The following NRF1 variants were observed in gnomAD, a reference collection of about 807,000 sequenced individuals.
NRF1 encodes the protein nuclear respiratory factor 1.
Under a neutral mutation model 58.5 loss-of-function variants are expected in NRF1, and 5 were observed. The observed-to-expected ratio is 0.09, with a 90% confidence interval of 0.04 to 0.18. The LOEUF (loss-of-function observed/expected upper bound fraction) is 0.18. Among genes scored for constraint, NRF1 ranks in the 10% least tolerant of loss-of-function variants. The pLI is 1.00. For missense variants in NRF1, 288 were observed against 657.7 expected, an observed-to-expected ratio of 0.44 and a Z score of 6.15; for synonymous variants, 224 against 246.7, an observed-to-expected ratio of 0.91 and a Z score of 0.86.
At chr7:129,731,611 C>CTTGTTTGTTTGT (rs71167211) in intron 10 of NRF1, among the ~76,000 whole-genome samples, 4,413 of 149,804 alleles carry the variant, frequency 0.029, 86 homozygotes, top group Non-Finnish European at 0.036. Context: ...CCTTCCTTTA[C>CTTGTTTGTTTGT]TTGTTTGTTT....
intron 5 of NRF1, among the ~76,000 whole-genome samples, chr7:129,699,964 C>A (rs1202631955): frequency 2.6e-5 from 3 of 115,580 alleles, no homozygotes; most frequent in Admixed American, 1.0e-4. Context: ...ATAGTGAAAC[C>A]CCGTCTCCAC....
At chr7:129,686,928 G>GA (rs1251967632) in intron 4 of NRF1, among the ~76,000 whole-genome samples, 1 of 152,134 alleles carries the variant, frequency 6.6e-6, no homozygotes, top group Non-Finnish European at 1.5e-5. Flanking sequence ...TATGAAGAAA[G>GA]AAAAAACATT....
intron 1 of NRF1, among the ~76,000 whole-genome samples, chr7:129,631,293 C>T (rs916675192): frequency 5.8e-4 from 87 of 150,880 alleles, no homozygotes; most frequent in African/African-American, 1.8e-3. Flanking sequence ...GATCACTGCT[C>T]ACTGTAGCCT....
chr7:129,675,141 G>A (rs769605632), intron 3 of NRF1, among the ~76,000 whole-genome samples: 2 of 152,130 alleles, frequency 1.3e-5, no homozygotes, highest in Non-Finnish European at 2.9e-5. Context: ...CGCTTTCTTT[G>A]CTCATCAATA....
chr7:129,690,600 C>T (rs544766512), intron 5 of NRF1, 54 bp downstream of exon 5: 10 of 1,591,354 alleles, frequency 6.3e-6, no homozygotes, highest in South Asian at 2.2e-5. Context: ...CAGGTGTGGG[C>T]GGGCCTCTGA....
chr7:129,717,546 C>T (rs1309792948), intron 9 of NRF1, among the ~76,000 whole-genome samples, 170 bp downstream of exon 9: 5 of 152,150 alleles, frequency 3.3e-5, no homozygotes, highest in African/African-American at 1.2e-4. Context: ...TCAGTCCTTA[C>T]CAAGAAAAAT....
chr7:129,716,711 A>G (rs1803197541), intron 8 of NRF1, among the ~76,000 whole-genome samples: 1 of 152,092 alleles, frequency 6.6e-6, no homozygotes, highest in Non-Finnish European at 1.5e-5. Flanking sequence ...TCTTTACCAA[A>G]AATACAAAAA....
intron 8 of NRF1, 104 bp downstream of exon 8, chr7:129,711,680 T>A: frequency 1.2e-6 from 1 of 846,310 alleles, no homozygotes; most frequent in Non-Finnish European, 1.9e-6. Context: ...GCGGCACTCT[T>A]TCATTTAAAC....
intron 1 of NRF1, among the ~76,000 whole-genome samples, chr7:129,655,441 A>G (rs1172031480): frequency 6.6e-6 from 1 of 152,090 alleles, no homozygotes; most frequent in East Asian, 1.9e-4. Flanking sequence ...TCTTTTTAAA[A>G]ATCTTATTGC....
intron 5 of NRF1, among the ~76,000 whole-genome samples, chr7:129,697,371 G>A (rs963264906): frequency 4.6e-5 from 7 of 151,436 alleles, no homozygotes; most frequent in African/African-American, 1.5e-4. Flanking sequence ...GTGAAACCCC[G>A]TCTCCACTAA....
chr7:129,635,829 C>G (rs747318043), intron 1 of NRF1, among the ~76,000 whole-genome samples: 4 of 152,094 alleles, frequency 2.6e-5, no homozygotes, highest in South Asian at 2.1e-4. Flanking sequence ...GAAAAATGAT[C>G]TGTTGACCAG....
Position 129,756,700 on chromosome 7 carries a change from TAA to T in NRF1, c.*1522_*1523del, listed in dbSNP as rs1220224425. Reference sequence around the variant, plus strand: ...TTAATGTGTTTTTTTAATGCGACATTAAAAGATTCTCCACGTCTTGCTCAACC... The same window carrying T: ...TTAATGTGTTTTTTTAATGCGACATTAAGATTCTCCACGTCTTGCTCAACC... On this transcript the variant is annotated 3_prime_UTR_variant, in exon 11 of 11. Transcript: ENST00000393232. The T allele has an allele frequency of 6.6e-6, 1 of 152,662 alleles. No individual in the cohort carries two copies. The highest frequency in any genetic ancestry group is 1.5e-5 in the Non-Finnish European group (1 of 68,054). The allele number at this position is 152,662 out of a possible 1,614,324, so 9.5% of individuals were successfully genotyped here.
chr7:129,690,578 A>C (rs754157680), intron 5 of NRF1, 32 bp downstream of exon 5: 87 of 1,613,120 alleles, frequency 5.4e-5, no homozygotes, highest in Non-Finnish European at 6.8e-5. Flanking sequence ...GGAGACTCAA[A>C]GACAAGTGGC....
chr7:129,674,039 G>A (rs955885729), intron 3 of NRF1, among the ~76,000 whole-genome samples: 7 of 151,966 alleles, frequency 4.6e-5, no homozygotes, highest in African/African-American at 1.7e-4. Flanking sequence ...TAGTCGGGAG[G>A]CTGAGGCAGG....
rs1803268503 is a variant in NRF1 at position 129,719,521 on chromosome 7, CACACACACACACACACACACACA to C, written c.1223+2151_1223+2173del. Among the ~76,000 whole-genome samples the C allele has an allele frequency of 3.3e-5, 5 of 151,382 alleles. No homozygotes were observed. In the South Asian group the frequency reaches 1.1e-3, roughly 32 times the overall value. ...AAACACACACACACACACACACACA[CACACACACACACACACACACACA>C]ACACATCTTCTCAGAGTTACCTAGT... On this transcript the variant is annotated intron_variant, in intron 9 of 10. Transcript: ENST00000393232.
chr7:129,715,655 A>ACTGT (rs1417126190), intron 8 of NRF1, among the ~76,000 whole-genome samples: 1 of 152,180 alleles, frequency 6.6e-6, no homozygotes, highest in Non-Finnish European at 1.5e-5. Context: ...TCATCACAGC[A>ACTGT]CTGTTTGTTA....
At chr7:129,734,813 TG>T (rs58267369) in intron 10 of NRF1, among the ~76,000 whole-genome samples, 320 of 152,294 alleles carry the variant, frequency 2.1e-3, no homozygotes, top group African/African-American at 7.3e-3. Context: ...GGGAAGTAGA[TG>T]ATATTCAGAA....
At chr7:129,619,429 T>C (rs62489261) in intron 1 of NRF1, among the ~76,000 whole-genome samples, 19,129 of 73,656 alleles carry the variant, frequency 0.26, 3,111 homozygotes, top group East Asian at 0.53. Flanking sequence ...TATATATATA[T>C]ATATACACAC....
chr7:129,621,294 G>A (rs1423947776), intron 1 of NRF1, among the ~76,000 whole-genome samples: 3 of 152,102 alleles, frequency 2.0e-5, no homozygotes, highest in African/African-American at 2.4e-5. Context: ...TGGGGAGAGG[G>A]TCTACAACTT....
Sources: gnomAD v4.1 joint callset for allele counts (sites outside exome capture counted in the v4.1 genomes callset) on GRCh38, gnomAD v4.1.1 for gene constraint, MANE v1.5 for transcripts, NCBI Gene and HGNC (gene_info 2026-07-23, HGNC 2026-07-21) for gene names.